Variants in ZNF335 observed in about 807,000 individuals in gnomAD.
ZNF335 encodes NRC-interacting factor 1.
A neutral mutation model predicts 145.6 loss-of-function variants in ZNF335; 84 were observed. The observed-to-expected ratio is 0.58, with a 90% CI of 0.48 to 0.69. The LOEUF is 0.69. ZNF335 is among the 30% of genes least tolerant of loss of function. The pLI is 0.00. For missense variants in ZNF335, 1,865 were observed against 1,809.7 expected (o/e 1.03, Z -0.55); for synonymous variants, 761 against 717.0 (o/e 1.06, Z -0.98).
Position 45,959,377 on chromosome 20 carries a change from G to C in ZNF335, c.2077C>G (p.Leu693Val). 1.3e-6 allele frequency: 2 copies of C among 1,571,448 alleles called. No homozygotes were observed. Among genetic ancestry groups the C allele is most frequent in the Non-Finnish European group, 1.7e-6 (2 of 1,153,654 alleles). ...CHFSTRHKKN[L>V]RLHVRCRHAS... ...TGTCGGCACCGTACGTGCAGGCGCAGGTTCTTCTTGTGCCGTGTGCTGAAG... is the reference window on the plus strand; with the variant it reads ...TGTCGGCACCGTACGTGCAGGCGCACGTTCTTCTTGTGCCGTGTGCTGAAG... The change falls in exon 15 of 28, where the codon CTG becomes GTG. Residue 693 changes from leucine to valine, a missense_variant. Leu to Val is a conservative substitution (Grantham distance 32). Transcript: ENST00000322927.
rs1201395437 is a variant in ZNF335, at chr20:45,960,864, C to T, written c.1665G>A (p.Pro555=). The change falls in exon 11 of 28, where the codon CCG becomes CCA. Residue 555 remains proline, a splice_region_variant and synonymous_variant. Coordinates refer to ENST00000322927, the MANE Select transcript of ZNF335 (RefSeq NM_022095.4). ...TCCCAGGCCAGCACGCCAGACTCACCGGATCTGGCCTCTTCTTCCTGTGGG... is the reference window on the plus strand; with the variant it reads ...TCCCAGGCCAGCACGCCAGACTCACTGGATCTGGCCTCTTCTTCCTGTGGG... The part of the protein sequence containing the change: ...HSRDRKKRPD[P]TPKLSSFPCP... 7 of 1,613,750 alleles carry T rather than the reference C, an allele frequency of 4.3e-6. No homozygotes were observed. Among genetic ancestry groups the T allele is most frequent in the Non-Finnish European group, 5.9e-6 (7 of 1,179,950 alleles).
rs1354786186 is a variant in ZNF335 at position 45,965,672 on chromosome 20, C to T, written c.1058G>A (p.Arg353Gln). Residue 353 changes from arginine to glutamine, a missense_variant, in exon 7 of 28, where the codon CGG becomes CAG. Transcript: ENST00000322927. ...STPRPRRRPG[R>Q]PRKLPRLEIS... Reference sequence around the variant, plus strand: ...CTCCAGGCGGGGCAGCTTCCGGGGCCGGCCAGGTCTCCTTCGGGGCCTTGG... The same window carrying T: ...CTCCAGGCGGGGCAGCTTCCGGGGCTGGCCAGGTCTCCTTCGGGGCCTTGG... 1.1e-5 allele frequency: 17 copies of T among 1,598,806 alleles called. No individual in the cohort carries two copies. In the Admixed American group the frequency reaches 1.2e-4, roughly 11 times the overall value.
chr20:45,972,133 G>A lies in ZNF335; in HGVS notation c.-62C>T. Reference sequence around the variant, plus strand: ...TACCCGAAGCTCACCCGAGGCTTTCGTAGCCACGTTCCTCTCTGACTCCGG... The same window carrying A: ...TACCCGAAGCTCACCCGAGGCTTTCATAGCCACGTTCCTCTCTGACTCCGG... On this transcript the variant is annotated 5_prime_UTR_variant, in exon 1 of 28. The change creates a new upstream start codon in the 5' untranslated region. Transcript: ENST00000322927. 1 of 1,289,546 alleles carries A rather than the reference G, an allele frequency of 7.8e-7. No homozygotes were observed. The highest frequency in any genetic ancestry group is 1.0e-6 in the Non-Finnish European group (1 of 988,756). 79.9% of individuals were successfully genotyped at this position (1,289,546 alleles called of 1,614,324 possible).
At chr20:45,951,464 G>A (rs74629437) in intron 20 of ZNF335, among the ~76,000 whole-genome samples, 3 of 152,188 alleles carry the variant, frequency 2.0e-5, no homozygotes, top group Admixed American at 2.0e-4. Flanking sequence ...CACCCTTTTT[G>A]GCACCAGGGA....
Position 45,949,006 on chromosome 20 carries a change from G to A in ZNF335, c.3976C>T (p.Gln1326Ter), listed in dbSNP as rs1315512822. The A allele has an allele frequency of 1.2e-6, 2 of 1,613,992 alleles. No individual in the cohort carries two copies. Among genetic ancestry groups the A allele is most frequent in the South Asian group, 1.1e-5 (1 of 91,090 alleles). The change falls in exon 28 of 28, where the codon CAG becomes TAG. Residue 1326 changes from glutamine (Q) to a stop codon, truncating the protein, a stop_gained. Coordinates refer to ENST00000322927, the MANE Select transcript of ZNF335 (RefSeq NM_022095.4). LOFTEE classifies it high-confidence loss of function. ...TACTCGATGCCCTGGTGCTGCAGCTGTTGAATGTGTTCGGGCACTGTCTCG... is the reference window on the plus strand; with the variant it reads ...TACTCGATGCCCTGGTGCTGCAGCTATTGAATGTGTTCGGGCACTGTCTCG... Reference protein sequence around the residue: ...TDETVPEHIQQLQHQGIEYDV... With the variant: ...TDETVPEHIQ
chr20:45,952,347 T>G lies in ZNF335; in HGVS notation c.2989A>C (p.Ser997Arg), dbSNP rs1159438236. Residue 997 changes from serine (S) to arginine (R), a missense_variant, in exon 20 of 28, where the codon AGC (serine) becomes CGC (arginine). Transcript: ENST00000322927. ...GGCACTGCCAGGCCCAGGGCTTTGC[T>G]GGTTGCAGGAGGTGAGGAGGCAGAG... is the stretch of plus-strand genomic sequence containing the variant. ...QSSASSPPAT[S>R]KALGLAVPPS... The G allele has an allele frequency of 6.2e-7, 1 of 1,612,994 alleles. No individual in the cohort carries two copies. Among genetic ancestry groups the G allele is most frequent in the Admixed American group, 1.7e-5 (1 of 59,940 alleles).
chr20:45,966,440 G>A (rs1421614739), intron 6 of ZNF335, among the ~76,000 whole-genome samples: 5 of 152,016 alleles, frequency 3.3e-5, no homozygotes, highest in Non-Finnish European at 7.4e-5. Flanking sequence ...AGGCACAGCC[G>A]CTCACACCTG....
rs748947283 is a variant in ZNF335 at position 45,957,940 on chromosome 20, A to C, written c.2254-12T>G. ...GCCTCTGGGGGTATCTATGGGGTGG[A>C]GATATGGCCACGCCTGAGAGGGGCC... On this transcript the variant is annotated splice_polypyrimidine_tract_variant and intron_variant, in intron 15 of 27. Coordinates refer to ENST00000322927, the MANE Select transcript of ZNF335 (RefSeq NM_022095.4). 6.2e-7 allele frequency: 1 copy of C among 1,612,204 alleles called. No individual in the cohort carries two copies. The highest frequency in any genetic ancestry group is 8.5e-7 in the Non-Finnish European group (1 of 1,178,444).
At chr20:45,970,544 G>A (rs1438621158) in intron 2 of ZNF335, among the ~76,000 whole-genome samples, 5 of 152,164 alleles carry the variant, frequency 3.3e-5, no homozygotes, top group Admixed American at 2.0e-4. Context: ...GCTAGATGTT[G>A]GGTAGCTTGC....
intron 14 of ZNF335, among the ~76,000 whole-genome samples, 154 bp downstream of exon 14, chr20:45,960,054 C>A (rs192292926): frequency 6.6e-6 from 1 of 152,298 alleles, no homozygotes; most frequent in South Asian, 2.1e-4. Flanking sequence ...AGGGTGAATA[C>A]GCCTATGGGA....
At chr20:45,953,636 A>G (rs754286524) in intron 18 of ZNF335, 53 bp downstream of exon 18, 4 of 1,599,728 alleles carry the variant, frequency 2.5e-6, no homozygotes, top group Non-Finnish European at 3.4e-6. Flanking sequence ...AATCGGACCG[A>G]CCGACCACAC....
intron 17 of ZNF335, 95 bp downstream of exon 17, chr20:45,957,491 G>T: frequency 8.2e-7 from 1 of 1,217,690 alleles, no homozygotes; most frequent in Non-Finnish European, 1.2e-6. Flanking sequence ...GGGCGGAGAA[G>T]CTCTGATACA....
In ZNF335 at chr20:45,949,162, C is replaced by T. The variant is rs2083579769; in HGVS notation, c.3901+8G>A. On this transcript the variant is annotated splice_region_variant and intron_variant, in intron 27 of 27. Coordinates refer to ENST00000322927, the MANE Select transcript of ZNF335 (RefSeq NM_022095.4). Reference sequence around the variant, plus strand: ...CAGCCCCATGCTCCTCAGGATCCAGCTCCATACCTGTGACAGCTGAGTGTG... The same window carrying T: ...CAGCCCCATGCTCCTCAGGATCCAGTTCCATACCTGTGACAGCTGAGTGTG... 6.2e-7 allele frequency: 1 copy of T among 1,613,638 alleles called. No individual in the cohort carries two copies. Among genetic ancestry groups the T allele is most frequent in the Non-Finnish European group, 8.5e-7 (1 of 1,179,944 alleles).
chr20:45,971,491 A>C (rs1351173936), intron 1 of ZNF335, 31 bp from the exon 2 acceptor site: 2 of 1,556,632 alleles, frequency 1.3e-6, no homozygotes, highest in Middle Eastern at 1.7e-4. Context: ...GGCTGGAACA[A>C]GTGGGCCATC....
intron 17 of ZNF335, among the ~76,000 whole-genome samples, chr20:45,956,248 T>C (rs974425808): frequency 1.3e-5 from 2 of 151,712 alleles, no homozygotes; most frequent in Admixed American, 6.6e-5. Flanking sequence ...TTTTTTTTTT[T>C]AGATGGAGTT....
chr20:45,967,617 C>T lies in ZNF335; in HGVS notation c.832G>A (p.Ala278Thr), dbSNP rs756003909. ...CGTAGACGTCCTTTTTTACCAGCTG[C>T]TGCTGCGGCTGCTGCTACTGGAAGT... ...HFRPVAAAAAAAGKKGRLRKW... is the reference protein window; with the variant it reads ...HFRPVAAAAATAGKKGRLRKW... The change falls in exon 6 of 28, where the codon GCA becomes ACA. Residue 278 changes from alanine (A) to threonine (T), a missense_variant. Ala to Thr is a moderately conservative substitution (Grantham distance 58). Transcript: ENST00000322927. 4 of 1,613,848 alleles carry T rather than the reference C, an allele frequency of 2.5e-6. No homozygotes were observed. The African/African-American group carries it at 4.0e-5, about 16-fold the overall frequency.
chr20:45,954,718 G>T (rs2083694609), intron 17 of ZNF335, among the ~76,000 whole-genome samples: 1 of 150,082 alleles, frequency 6.7e-6, no homozygotes, highest in South Asian at 2.1e-4. Flanking sequence ...GGAATAAAAT[G>T]GTCTCTGAAC....
chr20:45,963,498 C>A lies in ZNF335; in HGVS notation c.1508G>T (p.Arg503Leu). 1.2e-6 allele frequency: 2 copies of A among 1,613,144 alleles called. No individual in the cohort carries two copies. The highest frequency in any genetic ancestry group is 1.7e-6 in the Non-Finnish European group (2 of 1,179,344). ...CTTGAGCGAGGACCAGCGGCGGGAACGATAGCTGCACTGCAGGCACTTGAA... is the reference window on the plus strand; with the variant it reads ...CTTGAGCGAGGACCAGCGGCGGGAAAGATAGCTGCACTGCAGGCACTTGAA... ...QLFKCLQCSY[R>L]SRRWSSLKEH... Residue 503 changes from arginine to leucine, a missense_variant, in exon 9 of 28, where the codon CGT becomes CTT. Physicochemically the swap from Arg to Leu is moderately radical, Grantham distance 102. Transcript: ENST00000322927.
chr20:45,966,637 A>G (rs1600546869), intron 6 of ZNF335, among the ~76,000 whole-genome samples: 1 of 145,840 alleles, frequency 6.9e-6, no homozygotes. Context: ...TGCAACCTCT[A>G]CCTCCCGGGT....
Sources: allele counts gnomAD v4.1 joint callset (sites outside exome capture counted in the v4.1 genomes callset), GRCh38; gene constraint gnomAD v4.1.1; transcripts MANE v1.5; gene names NCBI Gene and HGNC (gene_info 2026-07-23, HGNC 2026-07-21).